The following PFKFB1 variants were observed in gnomAD, a reference collection of about 807,000 sequenced individuals.
PFKFB1 encodes 6-phosphofructo-2-kinase/fructose-2,6-biphosphatase 1, also known as 6-phosphofructo-2-kinase/fructose-2,6-bisphosphatase 1.
PFKFB1 carries 34 observed loss-of-function variants against 46.4 expected under a neutral mutation model. That is an observed-to-expected ratio of 0.73 (90% confidence interval 0.56 to 0.98). The LOEUF is 0.98. Among genes scored for constraint, PFKFB1 ranks in the 50% least tolerant of loss-of-function variants. The pLI, the probability that PFKFB1 is intolerant of heterozygous loss-of-function variation, is 0.00. For synonymous variants in PFKFB1, 119 were observed against 133.8 expected (o/e 0.89, Z 0.76); for missense variants, 393 against 376.3 (o/e 1.04, Z -0.37).
rs1934233729 is a variant in PFKFB1, at chrX:54,958,889, A to G, written c.421T>C (p.Ser141Pro). Reference sequence around the variant, plus strand: ...TCTTTTGCAAACTGCAGGATCAGTGACCGTCGTTCTCTGGTAGTGTTGGTG... The same window carrying G: ...TCTTTTGCAAACTGCAGGATCAGTGGCCGTCGTTCTCTGGTAGTGTTGGTG... ...DATNTTRERR[S>P]LILQFAKEHG... Residue 141 changes from serine to proline, a missense_variant, in exon 5 of 14, where the codon TCA becomes CCA. Transcript: ENST00000375006. The G allele has an allele frequency of 2.5e-6, 3 of 1,200,137 alleles. No homozygotes were observed. The African/African-American group carries it at 5.2e-5, about 21-fold the overall frequency.
intron 1 of PFKFB1, among the ~76,000 whole-genome samples, chrX:54,988,400 T>G (rs1022690565): frequency 8.1e-5 from 9 of 111,685 alleles, no homozygotes; most frequent in African/African-American, 2.9e-4. Flanking sequence ...GATGGTAATA[T>G]TCCCTAACTA....
At chrX:54,937,518 A>C (rs1303417306) in intron 11 of PFKFB1, 77 bp downstream of exon 11, 2 of 944,035 alleles carry the variant, frequency 2.1e-6, no homozygotes, top group African/African-American at 3.8e-5. Context: ...TTAACTACTA[A>C]GATATAGATA....
intron 1 of PFKFB1, among the ~76,000 whole-genome samples, chrX:54,969,369 C>T (rs1025528752): frequency 8.9e-6 from 1 of 111,873 alleles, no homozygotes; most frequent in African/African-American, 3.2e-5. Flanking sequence ...AGCACACTCT[C>T]TCTTGCCCTT....
intron 1 of PFKFB1, among the ~76,000 whole-genome samples, chrX:54,970,661 T>C (rs1219821363): frequency 2.4e-5 from 1 of 41,301 alleles, no homozygotes; most frequent in Non-Finnish European, 4.1e-5. Flanking sequence ...ACAAAGGACA[T>C]GAACTCATCA....
intron 10 of PFKFB1, among the ~76,000 whole-genome samples, chrX:54,943,437 A>T (rs1187596993): frequency 8.9e-6 from 1 of 112,220 alleles, no homozygotes; most frequent in African/African-American, 3.2e-5. Context: ...GGGTGTGTTT[A>T]CTCACTAAAA....
At chrX:54,983,504 T>A (rs754749843) in intron 1 of PFKFB1, among the ~76,000 whole-genome samples, 1 of 112,341 alleles carries the variant, frequency 8.9e-6, no homozygotes, top group African/African-American at 3.2e-5. Context: ...GATGTCATTC[T>A]TTTTTATGGC....
At chrX:54,960,386 A>G (rs754974346) in intron 3 of PFKFB1, among the ~76,000 whole-genome samples, 1 of 112,669 alleles carries the variant, frequency 8.9e-6, no homozygotes, top group South Asian at 3.7e-4. Flanking sequence ...CTATTCTGCA[A>G]GTACTCAGAG....
chrX:54,991,711 T>C (rs1018652454), intron 1 of PFKFB1, among the ~76,000 whole-genome samples: 10 of 110,999 alleles, frequency 9.0e-5, no homozygotes, highest in Admixed American at 4.8e-4. Flanking sequence ...AGAATGCCCA[T>C]TGGATTATTC....
intron 1 of PFKFB1, among the ~76,000 whole-genome samples, chrX:54,968,789 A>G (rs1336803057): frequency 1.8e-5 from 2 of 111,383 alleles, no homozygotes; most frequent in African/African-American, 3.3e-5. Flanking sequence ...AAATTTTACC[A>G]TTCATTTAAA....
chrX:54,939,679 C>G (rs1026718097), intron 10 of PFKFB1, among the ~76,000 whole-genome samples: 1 of 111,609 alleles, frequency 9.0e-6, no homozygotes, highest in Non-Finnish European at 1.9e-5. Flanking sequence ...TACACCCTCC[C>G]AAGACTAAAC....
intron 11 of PFKFB1, among the ~76,000 whole-genome samples, chrX:54,935,701 G>A (rs767786868): frequency 2.7e-5 from 3 of 111,702 alleles, no homozygotes; most frequent in Admixed American, 9.5e-5. Context: ...GGAAGCAGCA[G>A]AGCAAGGCCT....
chrX:54,960,942 G>A lies in PFKFB1; in HGVS notation c.224-25C>T, dbSNP rs776546807. 6.5e-5 allele frequency: 69 copies of A among 1,066,687 alleles called. No homozygotes were observed. In the South Asian group the frequency reaches 1.3e-3, roughly 20 times the overall value. 87.9% of individuals were successfully genotyped at this position (1,066,687 alleles called of 1,213,427 possible). A position where few individuals can be genotyped will look rare whatever the true frequency, so the allele number is the denominator to read the frequency against. ...ACTGAAAGCAGGGAGTGCCAGTGAA[G>A]AGGTTGGGAAGATCCCAGTGGCCAA... On this transcript the variant is annotated intron_variant, in intron 2 of 13. Transcript: ENST00000375006.
upstream of PFKFB1, among the ~76,000 whole-genome samples, chrX:54,997,819 C>A (rs1337444696): frequency 8.9e-6 from 1 of 112,178 alleles, no homozygotes. Flanking sequence ...TGGCTCTCCA[C>A]AGACTATAGT....
intron 11 of PFKFB1, among the ~76,000 whole-genome samples, chrX:54,935,527 G>T (rs969208158): frequency 3.6e-5 from 4 of 112,552 alleles, no homozygotes; most frequent in Non-Finnish European, 5.6e-5. Flanking sequence ...TCCAGTTATT[G>T]ACATTATGCA....
chrX:54,956,416 C>A, intron 6 of PFKFB1, 142 bp from the exon 7 acceptor site: 1 of 715,497 alleles, frequency 1.4e-6, no homozygotes, highest in Non-Finnish European at 2.0e-6. Flanking sequence ...ACATCTTGCC[C>A]AAGTTTACAA....
chrX:54,938,654 A>G (rs771998491), intron 10 of PFKFB1, among the ~76,000 whole-genome samples: 1 of 111,807 alleles, frequency 8.9e-6, no homozygotes, highest in Non-Finnish European at 1.9e-5. Flanking sequence ...AGGCCATTAC[A>G]TAATGGTAAA....
chrX:54,968,482 A>C (rs1212562651), intron 1 of PFKFB1, among the ~76,000 whole-genome samples: 1 of 110,748 alleles, frequency 9.0e-6, no homozygotes, highest in Non-Finnish European at 1.9e-5. Flanking sequence ...AAAAAAAAAG[A>C]ATCAAATGGA....
chrX:54,994,112 C>T lies in PFKFB1; in HGVS notation c.-105G>A. The T allele has an allele frequency of 1.8e-6, 2 of 1,132,723 alleles. No individual in the cohort carries two copies. Among genetic ancestry groups the T allele is most frequent in the South Asian group, 2.1e-5 (1 of 47,104 alleles). The allele number at this position is 1,132,723 out of a possible 1,213,427, so 93.3% of individuals were successfully genotyped here. A position where few individuals can be genotyped will look rare whatever the true frequency, so the allele number is the denominator to read the frequency against. ...CGCTGTGGCCACAGCAGCAGGTGGA[C>T]AGGGCTGGGACAGGGGGTGTACTGG... On this transcript the variant is annotated 5_prime_UTR_variant, in exon 1 of 14. Coordinates refer to ENST00000375006, the MANE Select transcript of PFKFB1 (RefSeq NM_002625.4).
At chrX:54,991,904 A>T (rs1253728528) in intron 1 of PFKFB1, among the ~76,000 whole-genome samples, 1 of 111,709 alleles carries the variant, frequency 9.0e-6, no homozygotes, top group Non-Finnish European at 1.9e-5. Flanking sequence ...TTTACATGTT[A>T]ATGTATTTAA....
Sources: allele counts gnomAD v4.1 joint callset (sites outside exome capture counted in the v4.1 genomes callset), GRCh38; gene constraint gnomAD v4.1.1; transcripts MANE v1.5; gene names NCBI Gene and HGNC (gene_info 2026-07-23, HGNC 2026-07-21).